The following LINC00305 variants were observed in gnomAD, a reference collection of about 807,000 sequenced individuals.
LINC00305 encodes long independently transcribed non-coding RNA 305.
chr18:64,143,511 C>T (rs1180914267), intron 1 of LINC00305, among the ~76,000 whole-genome samples: 3 of 127,826 alleles, frequency 2.3e-5, no homozygotes, highest in Non-Finnish European at 4.6e-5. Flanking sequence ...ATATGTATAC[C>T]ATCAATATAC....
chr18:64,143,409 A>G (rs1361892057), intron 1 of LINC00305, among the ~76,000 whole-genome samples: 1 of 151,442 alleles, frequency 6.6e-6, no homozygotes, highest in African/African-American at 2.4e-5. Context: ...GTGTGTGTAT[A>G]TATATATATG....
intron 1 of LINC00305, among the ~76,000 whole-genome samples, chr18:64,109,708 T>G (rs1024616939): frequency 6.7e-6 from 1 of 149,334 alleles, no homozygotes; most frequent in Non-Finnish European, 1.5e-5. Flanking sequence ...AATATCTTGG[T>G]TTTTTTTTCC....
At chr18:64,141,812 G>T (rs1321933524) in intron 1 of LINC00305, among the ~76,000 whole-genome samples, 1 of 152,198 alleles carries the variant, frequency 6.6e-6, no homozygotes, top group African/African-American at 2.4e-5. Context: ...TCACGCATAT[G>T]AAACAATGTA....
chr18:64,120,968 A>C (rs1297798015), intron 1 of LINC00305, among the ~76,000 whole-genome samples: 3 of 152,154 alleles, frequency 2.0e-5, no homozygotes, highest in African/African-American at 7.2e-5. Context: ...ACTCATAGGC[A>C]TGTGCTCAAA....
intron 1 of LINC00305, among the ~76,000 whole-genome samples, chr18:64,130,297 G>A (rs901761550): frequency 5.9e-5 from 9 of 152,156 alleles, no homozygotes; most frequent in Admixed American, 4.6e-4. Context: ...CTCAGTGATT[G>A]TTTACTCAAT....
chr18:64,133,685 T>C (rs2051420059), intron 1 of LINC00305, among the ~76,000 whole-genome samples: 1 of 152,186 alleles, frequency 6.6e-6, no homozygotes, highest in Admixed American at 6.5e-5. Flanking sequence ...GTTTTTTTCC[T>C]TACATACTCC....
chr18:64,092,771 T>C (rs2051230014), intron 3 of LINC00305, among the ~76,000 whole-genome samples: 1 of 152,190 alleles, frequency 6.6e-6, no homozygotes, highest in African/African-American at 2.4e-5. Context: ...AGAGCAAGAC[T>C]TGTTCTCCCT....
chr18:64,121,109 C>T (rs1488811426), intron 1 of LINC00305, among the ~76,000 whole-genome samples: 1 of 152,050 alleles, frequency 6.6e-6, no homozygotes. Flanking sequence ...TTACATTATA[C>T]ACAAAAATTA....
chr18:64,134,247 A>C (rs1462460634), intron 1 of LINC00305, among the ~76,000 whole-genome samples: 2 of 152,182 alleles, frequency 1.3e-5, no homozygotes, highest in Non-Finnish European at 2.9e-5. Context: ...GCAGGAAAAC[A>C]AGGAAGTTGT....
At chr18:64,127,428 G>A (rs532456480) in intron 1 of LINC00305, 8 of 152,148 alleles carry the variant, frequency 5.3e-5, no homozygotes, top group African/African-American at 1.7e-4. Context: ...CGGTGCCAAG[G>A]CCACACCACT....
intron 1 of LINC00305, chr18:64,127,353 C>T (rs970251950): frequency 1.3e-5 from 2 of 152,100 alleles, no homozygotes; most frequent in African/African-American, 4.8e-5. Context: ...ACAATAATGA[C>T]ATGAGGTAAT....
At chr18:64,126,558 G>T (rs1333501454) in intron 1 of LINC00305, among the ~76,000 whole-genome samples, 2 of 152,014 alleles carry the variant, frequency 1.3e-5, no homozygotes, top group African/African-American at 4.8e-5. Flanking sequence ...ATATAGGATT[G>T]CTCAGAGCTG....
chr18:64,129,149 A>G (rs931804596), intron 1 of LINC00305, among the ~76,000 whole-genome samples: 1 of 152,086 alleles, frequency 6.6e-6, no homozygotes, highest in Non-Finnish European at 1.5e-5. Context: ...CAAAAACTAA[A>G]AGGCTCTTGT....
At chr18:64,128,049 GT>G (rs1407093830) in intron 1 of LINC00305, among the ~76,000 whole-genome samples, 2 of 151,960 alleles carry the variant, frequency 1.3e-5, no homozygotes, top group African/African-American at 2.4e-5. Flanking sequence ...CTTTTTTAAG[GT>G]TGCTATCAAT....
At chr18:64,096,040 AAT>A (rs1232326290) in intron 3 of LINC00305, among the ~76,000 whole-genome samples, 4 of 152,018 alleles carry the variant, frequency 2.6e-5, no homozygotes, top group Non-Finnish European at 4.4e-5. Context: ...GATAAAAAAA[AAT>A]ATTAAAAAAT....
intron 1 of LINC00305, among the ~76,000 whole-genome samples, chr18:64,148,583 G>T (rs1323776315): frequency 6.6e-6 from 1 of 152,062 alleles, no homozygotes; most frequent in Non-Finnish European, 1.5e-5. Context: ...AAGATGGGGG[G>T]TTATCTCCAG....
intron 1 of LINC00305, among the ~76,000 whole-genome samples, chr18:64,140,621 A>C (rs1486949571): frequency 6.6e-6 from 1 of 152,128 alleles, no homozygotes; most frequent in Non-Finnish European, 1.5e-5. Flanking sequence ...TGTTTTGTTG[A>C]CTTCTTGATC....
intron 1 of LINC00305, among the ~76,000 whole-genome samples, chr18:64,110,151 T>C (rs1046140642): frequency 1.3e-5 from 2 of 152,166 alleles, no homozygotes; most frequent in African/African-American, 4.8e-5. Context: ...GTCAAAATTA[T>C]TCGGTAGCTT....
At chr18:64,098,373 T>C (rs538128882) in intron 2 of LINC00305, among the ~76,000 whole-genome samples, 1 of 152,322 alleles carries the variant, frequency 6.6e-6, no homozygotes, top group South Asian at 2.1e-4. Context: ...ATAATTCTTT[T>C]TTAATTGGCA....
Sources: gnomAD v4.1 joint callset for allele counts (sites outside exome capture counted in the v4.1 genomes callset) on GRCh38, gnomAD v4.1.1 for gene constraint, MANE v1.5 for transcripts, NCBI Gene and HGNC (gene_info 2026-07-23, HGNC 2026-07-21) for gene names.